Variants in ZGRF1 observed in about 807,000 individuals in gnomAD.
The protein encoded by ZGRF1 is 5'-3' DNA helicase ZGRF1.
A neutral mutation model predicts 203.5 loss-of-function variants in ZGRF1; 196 were observed. The observed-to-expected ratio is 0.96, with a 90% confidence interval of 0.86 to 1.08. ZGRF1 has a LOEUF of 1.08. ZGRF1 is among the 50% of genes least tolerant of loss of function. ZGRF1 has a pLI of 0.00. For missense variants in ZGRF1, 2,326 were observed against 2,416.3 expected (o/e 0.96, Z 0.78); for synonymous variants, 809 against 841.3 (o/e 0.96, Z 0.66).
At chr4:112,549,411 TAC>T (rs1264987901) in intron 22 of ZGRF1, among the ~76,000 whole-genome samples, 1 of 152,234 alleles carries the variant, frequency 6.6e-6, no homozygotes, top group African/African-American at 2.4e-5. Flanking sequence ...TACATATACA[TAC>T]GTGTGTATAA....
rs142718794 is a variant in ZGRF1 at position 112,586,506 on chromosome 4, G to A, written c.3855C>T (p.His1285=). ...CAGGAGACTGAAAAACAGCTGGTAT[G>A]TGAATTTGCCTTTGGGGAAGATAAG... ...KSAYLPQRQI[H]IPAVFQSPAH... The change falls in exon 13 of 28, where the codon CAC becomes CAT. Residue 1285 remains histidine (H), a synonymous_variant. Coordinates refer to ENST00000505019, the MANE Select transcript of ZGRF1 (RefSeq NM_018392.5). The A allele has an allele frequency of 2.4e-5, 39 of 1,613,132 alleles. No homozygotes were observed. Among genetic ancestry groups the A allele is most frequent in the Non-Finnish European group, 3.1e-5 (36 of 1,179,468 alleles).
intron 18 of ZGRF1, 21 bp from the exon 19 acceptor site, chr4:112,561,016 A>G (rs1215870722): frequency 1.3e-6 from 2 of 1,565,800 alleles, no homozygotes; most frequent in African/African-American, 2.7e-5. Flanking sequence ...TGAAGCAAAT[A>G]AACAATTTTA....
At chr4:112,626,303 T>C (rs534706826) in intron 3 of ZGRF1, among the ~76,000 whole-genome samples, 5 of 151,684 alleles carry the variant, frequency 3.3e-5, no homozygotes, top group Admixed American at 2.6e-4. Context: ...CTCTTTTAAT[T>C]TGATACACCC....
rs144302417 is a variant in ZGRF1, at chr4:112,586,574, C to T, written c.3787G>A (p.Gly1263Ser). Residue 1263 changes from glycine (G) to serine (S), a missense_variant, in exon 13 of 28, where the codon GGC becomes AGC. Transcript: ENST00000505019. Reference sequence around the variant, plus strand: ...CCACTTGGAAAGCACAGCTCAGAGCCACTTATCTCCTGCAATGGAATAATT... The same window carrying T: ...CCACTTGGAAAGCACAGCTCAGAGCTACTTATCTCCTGCAATGGAATAATT... ...YSVKDLQEISGSELCFPSGQK... is the reference protein window; with the variant it reads ...YSVKDLQEISSSELCFPSGQK... 3.2e-4 allele frequency: 510 copies of T among 1,605,478 alleles called. 1 individual carries two copies. The African/African-American group carries it at 6.4e-3, about 20-fold the overall frequency.
rs2149151225 is a variant in ZGRF1 at position 112,617,179 on chromosome 4, C to T, written c.2602+261G>A. On this transcript the variant is annotated intron_variant, in intron 6 of 27. Transcript: ENST00000505019. ...ATTCACATAAATGTGCCAATATATG[C>T]TTATATACGCATAGAATATTTATGG... 1.3e-5 allele frequency among the ~76,000 whole-genome samples: 2 copies of T among 152,214 alleles called. 1 individual carries two copies. Among genetic ancestry groups the T allele is most frequent in the South Asian group, 4.1e-4 (2 of 4,820 alleles).
chr4:112,564,990 G>C, intron 16 of ZGRF1: 1 of 890,218 alleles, frequency 1.1e-6, no homozygotes, highest in East Asian at 2.4e-5. Flanking sequence ...TCTGTACCAT[G>C]GCTCGTACAA....
chr4:112,608,705 A>G (rs1194788136), intron 8 of ZGRF1, among the ~76,000 whole-genome samples: 2 of 152,222 alleles, frequency 1.3e-5, no homozygotes, highest in East Asian at 3.8e-4. Context: ...TAAATTTTGT[A>G]GTTGCCAATT....
At chr4:112,634,217 G>A (rs28454271) in intron 1 of ZGRF1, among the ~76,000 whole-genome samples, 1,587 of 152,252 alleles carry the variant, frequency 0.01, 24 homozygotes, top group African/African-American at 0.034. Flanking sequence ...ATGGCGGGGT[G>A]ATAAACAGTA....
intron 24 of ZGRF1, among the ~76,000 whole-genome samples, chr4:112,544,112 A>T (rs1240319108): frequency 6.6e-6 from 1 of 152,198 alleles, no homozygotes; most frequent in Non-Finnish European, 1.5e-5. Context: ...AATTAAATTC[A>T]ATTACAATTA....
chr4:112,619,533 T>C lies in ZGRF1; in HGVS notation c.509A>G (p.Asn170Ser). The change falls in exon 6 of 28, where the codon AAT (asparagine) becomes AGT (serine). Residue 170 changes from asparagine to serine, a missense_variant. By Grantham distance (46) the Asn-to-Ser change is conservative (BLOSUM62 1). Transcript: ENST00000505019. ...GTTCTCAGGGTCTGCCAGTATATTA[T>C]TTACATCTTTCTTGCCAACAGTAGG... ...LFPTVGKKDVNNILADPENIV... is the reference protein window; with the variant it reads ...LFPTVGKKDVSNILADPENIV... 2 of 1,614,070 alleles carry C rather than the reference T, an allele frequency of 1.2e-6. No homozygotes were observed. The highest frequency in any genetic ancestry group is 2.2e-5 in the South Asian group (2 of 91,070).
chr4:112,567,009 T>C (rs1743233936), intron 16 of ZGRF1, among the ~76,000 whole-genome samples: 3 of 151,436 alleles, frequency 2.0e-5, no homozygotes, highest in Admixed American at 2.0e-4. Flanking sequence ...GAAAAACAGA[T>C]GGTAACTCAC....
intron 10 of ZGRF1, among the ~76,000 whole-genome samples, chr4:112,592,915 A>C (rs980333594): frequency 6.6e-6 from 1 of 152,148 alleles, no homozygotes; most frequent in African/African-American, 2.4e-5. Flanking sequence ...CCCTTACCCA[A>C]CTGAATTAGT....
chr4:112,619,511 C>T lies in ZGRF1; in HGVS notation c.531G>A (p.Glu177=), dbSNP rs768987694. 29 of 1,613,758 alleles carry T rather than the reference C, an allele frequency of 1.8e-5. No homozygotes were observed. In the East Asian group the frequency reaches 6.2e-4, roughly 35 times the overall value. Residue 177 remains glutamate (E), a synonymous_variant, in exon 6 of 28, where the codon GAG becomes GAA. Coordinates refer to ENST00000505019, the MANE Select transcript of ZGRF1 (RefSeq NM_018392.5). Reference sequence around the variant, plus strand: ...CCCTGTTCTTGTAAGTCACAATGTTCTCAGGGTCTGCCAGTATATTATTTA... The same window carrying T: ...CCCTGTTCTTGTAAGTCACAATGTTTTCAGGGTCTGCCAGTATATTATTTA... The part of the protein sequence containing the change: ...KDVNNILADP[E]NIVTYKNRER...
rs1290124858 is a variant in ZGRF1, at chr4:112,619,016, A to T, written c.1026T>A (p.Thr342=). 1 of 1,613,920 alleles carries T rather than the reference A, an allele frequency of 6.2e-7. No individual in the cohort carries two copies. Among genetic ancestry groups the T allele is most frequent in the Admixed American group, 1.7e-5 (1 of 59,998 alleles). The change falls in exon 6 of 28, where the codon ACT becomes ACA. Residue 342 remains threonine, a synonymous_variant. Transcript: ENST00000505019. ...SSQSSPIHSS[T]VDGNDTERKP... is the part of the protein sequence containing the mutation. ...TCCTTTCTGTATCATTCCCATCTACAGTAGAAGAATGTATAGGTGAACTCT... is the reference window on the plus strand; with the variant it reads ...TCCTTTCTGTATCATTCCCATCTACTGTAGAAGAATGTATAGGTGAACTCT...
chr4:112,603,480 A>G, intron 10 of ZGRF1, 44 bp downstream of exon 10: 1 of 1,416,250 alleles, frequency 7.1e-7, no homozygotes, highest in South Asian at 1.2e-5. Context: ...GTATTAACAT[A>G]AAGAAAATGA....
chr4:112,633,863 G>A (rs1322186215), intron 1 of ZGRF1, among the ~76,000 whole-genome samples: 2 of 152,136 alleles, frequency 1.3e-5, no homozygotes, highest in Non-Finnish European at 2.9e-5. Context: ...CCCTAAGGTG[G>A]TTCTCAAGAT....
Position 112,580,003 on chromosome 4 carries a change from C to T in ZGRF1, c.4438+1660G>A, listed in dbSNP as rs189389175. 5.8e-3 allele frequency among the ~76,000 whole-genome samples: 711 copies of T among 123,076 alleles called. 153 individuals carry two copies. The highest frequency in any genetic ancestry group is 0.018 in the African/African-American group (653 of 35,498). 80.7% of individuals were successfully genotyped at this position (123,076 alleles called of 152,430 possible). On this transcript the variant is annotated intron_variant, in intron 16 of 27. Transcript: ENST00000505019. ...CAAAAGAACAAAGCTGGAGGCATCA[C>T]GCTACCTGACTTCAAACTATACTAC...
chr4:112,620,960 AG>A (rs1201424179), intron 4 of ZGRF1, among the ~76,000 whole-genome samples: 1 of 152,026 alleles, frequency 6.6e-6, no homozygotes, highest in African/African-American at 2.4e-5. Flanking sequence ...TGAGCCCAGG[AG>A]TTTGAGGCTG....
At chr4:112,630,489 GC>G (rs1252656700) in intron 3 of ZGRF1, among the ~76,000 whole-genome samples, 1 of 151,110 alleles carries the variant, frequency 6.6e-6, no homozygotes, top group African/African-American at 2.4e-5. Context: ...CTGCACTCCA[GC>G]CTGGGCGACA....
Sources: allele counts gnomAD v4.1 joint callset (sites outside exome capture counted in the v4.1 genomes callset), GRCh38; gene constraint gnomAD v4.1.1; transcripts MANE v1.5; gene names NCBI Gene and HGNC (gene_info 2026-07-23, HGNC 2026-07-21).